LTF: variants seen among roughly 807,000 people sequenced by gnomAD.
LTF encodes the protein lactotransferrin, also known as epididymis luminal protein 110.
LTF carries 91 observed loss-of-function variants against 87.2 expected under a neutral mutation model. The ratio of observed to expected loss-of-function variants is 1.04; its 90% CI spans 0.88 to 1.24. The LOEUF (loss-of-function observed/expected upper bound fraction) is 1.24, where lower values mean the gene tolerates loss of function less well. LTF is among the 50% of genes most tolerant of loss of function. The probability of loss-of-function intolerance (pLI) is 0.00; values close to 1 mark genes in which losing one functional copy is unlikely to be tolerated. For synonymous variants in LTF, 378 were observed against 356.1 expected (o/e 1.06, Z -0.69); for missense variants, 901 against 904.3 (o/e 1.00, Z 0.05).
upstream of LTF, among the ~76,000 whole-genome samples, chr3:46,467,647 T>A (rs1703233575): frequency 2.0e-5 from 2 of 98,904 alleles, no homozygotes; most frequent in Admixed American, 1.1e-4. Flanking sequence ...TTCTTTTCTT[T>A]TTTTTTTTTT....
chr3:46,447,510 G>A (rs1348075345), intron 9 of LTF, 112 bp from the exon 10 acceptor site: 13 of 766,822 alleles, frequency 1.7e-5, no homozygotes, highest in Non-Finnish European at 2.6e-5. Flanking sequence ...TGAAACAGCA[G>A]AAAGAGATGG....
intron 16 of LTF, among the ~76,000 whole-genome samples, chr3:46,437,166 C>G (rs941648184): frequency 2.6e-5 from 4 of 152,152 alleles, no homozygotes; most frequent in African/African-American, 9.7e-5. Flanking sequence ...TCACCGGGAG[C>G]CTTACAATAC....
At chr3:46,462,803 G>A (rs922451344) in intron 1 of LTF, among the ~76,000 whole-genome samples, 7 of 152,096 alleles carry the variant, frequency 4.6e-5, no homozygotes, top group African/African-American at 1.4e-4. Context: ...AGAGAAGGGG[G>A]CAGGGAGCTG....
rs778683065 is a variant in LTF at position 46,438,118 on chromosome 3, C to G, written c.1920G>C (p.Gly640=). 1 of 1,613,080 alleles carries G rather than the reference C, an allele frequency of 6.2e-7. No homozygotes were observed. Among genetic ancestry groups the G allele is most frequent in the East Asian group, 2.2e-5 (1 of 44,864 alleles). ...QVLLHQQAKF[G]RNGSDCPDKF... is the part of the protein sequence containing the mutation. The stretch of plus-strand genomic sequence containing the variant: ...TGTCCGGGCAGTCAGATCCATTTCT[C>G]CCAAATTTAGCCTGCGACAAAAGGG... The change falls in exon 16 of 17, where the codon GGG becomes GGC. Residue 640 remains glycine (G), a synonymous_variant. Transcript: ENST00000231751.
Position 46,439,425 on chromosome 3 carries a change from C to G in LTF, c.1779G>C (p.Leu593=), listed in dbSNP as rs772413030. The change falls in exon 15 of 17, where the codon CTG becomes CTC. Residue 593 remains leucine (L), a synonymous_variant. Transcript: ENST00000231751. ...CAGGCTTCCGTTTGCCATCGAGGCA[C>G]AGCAGCGCAAAGTCTGCCAGCTTCA... is the stretch of plus-strand genomic sequence containing the variant. ...KDLKLADFAL[L]CLDGKRKPVT... is the part of the protein sequence containing the mutation. 5.0e-6 allele frequency: 8 copies of G among 1,614,000 alleles called. No individual in the cohort carries two copies. The African/African-American group carries it at 6.7e-5, about 13-fold the overall frequency.
In LTF at chr3:46,447,370, T is replaced by A; in HGVS notation, c.1241A>T (p.Asp414Val). ...LKGEADAMSLDGGYVYTAGKC... is the reference protein window; with the variant it reads ...LKGEADAMSLVGGYVYTAGKC... ...GCCTGCAGTGTACACATATCCTCCA[T>A]CCAAACTCATGGCATCAGCTTCTCC... Residue 414 changes from aspartate to valine, a missense_variant, in exon 10 of 17, where the codon GAT (aspartate) becomes GTT (valine). By Grantham distance (152) the Asp-to-Val change is radical. Transcript: ENST00000231751. The A allele has an allele frequency of 6.2e-7, 1 of 1,614,094 alleles. No homozygotes were observed. The highest frequency in any genetic ancestry group is 1.1e-5 in the South Asian group (1 of 91,078).
At position 46,443,387 on chromosome 3, in the gene LTF, A is replaced by G. The variant is rs1219034445; in HGVS notation, c.1655+54T>C. On this transcript the variant is annotated intron_variant, in intron 13 of 16. Coordinates refer to ENST00000231751, the MANE Select transcript of LTF (RefSeq NM_002343.6). Reference sequence around the variant, plus strand: ...GGCTCCTTAGAACTGCAATGCTGACATGCTGAGGGATGAGGTAAGTCCCCA... The same window carrying G: ...GGCTCCTTAGAACTGCAATGCTGACGTGCTGAGGGATGAGGTAAGTCCCCA... 16 of 1,601,798 alleles carry G rather than the reference A, an allele frequency of 1.0e-5. No individual in the cohort carries two copies. In the East Asian group the frequency reaches 1.6e-4, roughly 16 times the overall value.
At chr3:46,458,931 A>G (rs976727421) in intron 2 of LTF, among the ~76,000 whole-genome samples, 2 of 152,246 alleles carry the variant, frequency 1.3e-5, no homozygotes, top group Non-Finnish European at 2.9e-5. Flanking sequence ...AACATTGATT[A>G]AACTAGATTT....
intron 1 of LTF, among the ~76,000 whole-genome samples, chr3:46,475,642 A>C (rs1348702536): frequency 1.3e-5 from 2 of 152,094 alleles, no homozygotes; most frequent in East Asian, 3.9e-4. Flanking sequence ...CCTTTGATCC[A>C]GCTGCAGCCA....
chr3:46,436,971 CAAATAT>C (rs879291274), intron 16 of LTF, among the ~76,000 whole-genome samples: 47 of 152,234 alleles, frequency 3.1e-4, no homozygotes, highest in Non-Finnish European at 4.0e-4. Flanking sequence ...CTCACATTGT[CAAATAT>C]CCCCTCAGGG....
At chr3:46,438,458 G>T (rs1702440059) in intron 15 of LTF, among the ~76,000 whole-genome samples, 1 of 152,194 alleles carries the variant, frequency 6.6e-6, no homozygotes, top group African/African-American at 2.4e-5. Flanking sequence ...TTTGAGATCT[G>T]CCCTCACAAG....
At chr3:46,440,558 C>G (rs111960587) in intron 14 of LTF, among the ~76,000 whole-genome samples, 29,826 of 152,152 alleles carry the variant, frequency 0.2, 3,948 homozygotes, top group African/African-American at 0.37. Context: ...TGTCTCTCTG[C>G]TCTCTCCCTT....
chr3:46,447,211 A>T, intron 10 of LTF, 97 bp downstream of exon 10: 1 of 836,280 alleles, frequency 1.2e-6, no homozygotes, highest in Admixed American at 1.8e-5. Context: ...GTATCTGTTC[A>T]TCATAATGTT....
Position 46,455,889 on chromosome 3 carries a change from T to C in LTF, c.406A>G (p.Thr136Ala), listed in dbSNP as rs1156823988. ...NELQGLKSCH[T>A]GLRRTAGWNV... Reference sequence around the variant, plus strand: ...CATCCAGCGGTCCTGCGAAGGCCTGTGTGGCAGGACTTCAGACCTTGCAGT... The same window carrying C: ...CATCCAGCGGTCCTGCGAAGGCCTGCGTGGCAGGACTTCAGACCTTGCAGT... Residue 136 changes from threonine to alanine, a missense_variant, in exon 4 of 17, where the codon ACA becomes GCA. Physicochemically the swap from Thr to Ala is moderately conservative, Grantham distance 58 (BLOSUM62 0). Transcript: ENST00000231751. 2.5e-6 allele frequency: 4 copies of C among 1,613,726 alleles called. No homozygotes were observed. The highest frequency in any genetic ancestry group is 3.4e-6 in the Non-Finnish European group (4 of 1,179,836).
chr3:46,465,487 A>G (rs1381134452), upstream of LTF, among the ~76,000 whole-genome samples: 1 of 152,164 alleles, frequency 6.6e-6, no homozygotes, highest in Non-Finnish European at 1.5e-5. Flanking sequence ...CCCACAATAC[A>G]GCTCCCAGAA....
chr3:46,471,397 G>A lies in LTF; in HGVS notation c.-319-931C>T, dbSNP rs1416450479. 2.6e-5 allele frequency among the ~76,000 whole-genome samples: 4 copies of A among 152,276 alleles called. No homozygotes were observed. The South Asian group carries it at 6.2e-4, about 24-fold the overall frequency. On this transcript the variant is annotated intron_variant, in intron 1 of 19. Coordinates refer to the LTF transcript ENST00000443496. ...TTATGGATGCCTGCCATAGGGAGGG[G>A]CTCTGACCCTGACTGAGCTTCCTCT... is the stretch of plus-strand genomic sequence containing the variant.
chr3:46,457,987 T>A (rs890503216), intron 2 of LTF, among the ~76,000 whole-genome samples: 11 of 151,604 alleles, frequency 7.3e-5, no homozygotes, highest in Non-Finnish European at 1.6e-4. Context: ...GGTTTCACCA[T>A]CTTAGCCAGG....
At chr3:46,441,749 C>CA (rs1480681999) in intron 13 of LTF, 2 of 376,394 alleles carry the variant, frequency 5.3e-6, no homozygotes, top group Non-Finnish European at 9.5e-6. Context: ...TGAAGTAAGA[C>CA]AAAGGAAAGC....
At chr3:46,477,292 C>T (rs1173001831) in intron 1 of LTF, among the ~76,000 whole-genome samples, 1 of 152,230 alleles carries the variant, frequency 6.6e-6, no homozygotes, top group East Asian at 1.9e-4. Flanking sequence ...CACCATTTCC[C>T]TCCACTTGCC....
Sources: allele counts gnomAD v4.1 joint callset (sites outside exome capture counted in the v4.1 genomes callset), GRCh38; gene constraint gnomAD v4.1.1; transcripts MANE v1.5; gene names NCBI Gene and HGNC (gene_info 2026-07-23, HGNC 2026-07-21).